The following ELAVL2 variants were observed in gnomAD, a reference collection of about 807,000 sequenced individuals.
ELAVL2 encodes ELAV like RNA binding protein 2.
A neutral mutation model predicts 34.6 loss-of-function variants in ELAVL2; 4 were observed. The ratio of observed to expected loss-of-function variants is 0.12; its 90% CI spans 0.06 to 0.26. The LOEUF (loss-of-function observed/expected upper bound fraction) is 0.26, where lower values mean the gene tolerates loss of function less well. Among genes scored for constraint, ELAVL2 ranks in the 10% least tolerant of loss-of-function variants. The probability of loss-of-function intolerance (pLI) is 1.00; values close to 1 mark genes in which losing one functional copy is unlikely to be tolerated. For missense variants in ELAVL2, 432 were observed against 442.8 expected (o/e 0.98, Z 0.22); for synonymous variants, 193 against 154.8 (o/e 1.25, Z -1.83).
At chr9:23,822,204 A>G (rs907232964) in intron 1 of ELAVL2, among the ~76,000 whole-genome samples, 1 of 152,120 alleles carries the variant, frequency 6.6e-6, no homozygotes, top group Non-Finnish European at 1.5e-5. Flanking sequence ...AATATATATA[A>G]GTATACACAC....
chr9:23,697,330 A>T (rs1364911371), intron 5 of ELAVL2, among the ~76,000 whole-genome samples: 1 of 152,226 alleles, frequency 6.6e-6, no homozygotes, highest in Non-Finnish European at 1.5e-5. Context: ...GTTAGACACA[A>T]GATAATCCAA....
At chr9:23,800,298 G>A (rs1018495516) in intron 1 of ELAVL2, among the ~76,000 whole-genome samples, 2 of 152,150 alleles carry the variant, frequency 1.3e-5, no homozygotes, top group Non-Finnish European at 2.9e-5. Context: ...AAACAGTAGA[G>A]TTCCTATTCC....
chr9:23,735,704 A>C (rs994486538), intron 2 of ELAVL2: 4 of 152,250 alleles, frequency 2.6e-5, no homozygotes, highest in Non-Finnish European at 5.9e-5. Flanking sequence ...CATGCCACAG[A>C]AAAGAAACCC....
chr9:23,730,505 A>T (rs1025433166), intron 3 of ELAVL2, among the ~76,000 whole-genome samples: 5 of 152,196 alleles, frequency 3.3e-5, no homozygotes, highest in Non-Finnish European at 5.9e-5. Flanking sequence ...AAAAATAAAA[A>T]GAATATTTGT....
At chr9:23,777,478 C>T (rs2058399950) in intron 1 of ELAVL2, among the ~76,000 whole-genome samples, 1 of 152,152 alleles carries the variant, frequency 6.6e-6, no homozygotes, top group Non-Finnish European at 1.5e-5. Context: ...CTATACCCTT[C>T]TGCCCCACCC....
intron 1 of ELAVL2, among the ~76,000 whole-genome samples, chr9:23,811,568 A>C (rs917694999): frequency 6.6e-6 from 1 of 152,222 alleles, no homozygotes; most frequent in Non-Finnish European, 1.5e-5. Context: ...TCCTGCAACT[A>C]TATTCCCAAA....
chr9:23,768,865 A>G (rs2056804198), intron 1 of ELAVL2, among the ~76,000 whole-genome samples: 1 of 152,200 alleles, frequency 6.6e-6, no homozygotes, highest in Non-Finnish European at 1.5e-5. Flanking sequence ...GAAGCACATC[A>G]TGATTAAGTC....
chr9:23,836,326 T>A, the ELAVL2 span, among the ~76,000 whole-genome samples: 3 of 152,202 alleles, frequency 2.0e-5, no homozygotes, highest in Non-Finnish European at 4.4e-5. Flanking sequence ...AATAGACATT[T>A]CCTTGAATTA....
chr9:23,840,819 CAG>C, the ELAVL2 span, among the ~76,000 whole-genome samples: 8 of 152,182 alleles, frequency 5.3e-5, no homozygotes, highest in African/African-American at 1.9e-4. Flanking sequence ...TCAGTTTTTT[CAG>C]AGTTATATTT....
At chr9:23,752,704 C>T (rs1188215200) in intron 2 of ELAVL2, among the ~76,000 whole-genome samples, 2 of 152,158 alleles carry the variant, frequency 1.3e-5, no homozygotes, top group Non-Finnish European at 2.9e-5. Context: ...ATCTGCCCAC[C>T]TTGGCCTCCC....
chr9:23,801,436 G>A lies in ELAVL2; in HGVS notation c.-16+24370C>T, dbSNP rs185493911. Reference sequence around the variant, plus strand: ...TCATTCAATAAATATTAAGCTCTACGTACAGGAGCTATTGGAATATAAAGT... The same window carrying A: ...TCATTCAATAAATATTAAGCTCTACATACAGGAGCTATTGGAATATAAAGT... On this transcript the variant is annotated intron_variant, in intron 1 of 6. Transcript: ENST00000397312. Among the ~76,000 whole-genome samples the A allele has an allele frequency of 1.1e-4, 16 of 152,184 alleles. No homozygotes were observed. In the East Asian group the frequency reaches 3.1e-3, roughly 29 times the overall value.
At chr9:23,708,604 C>A (rs917700242) in intron 3 of ELAVL2, among the ~76,000 whole-genome samples, 1 of 152,194 alleles carries the variant, frequency 6.6e-6, no homozygotes, top group Admixed American at 6.5e-5. Context: ...TGGCCACAGA[C>A]AGAAAACAGG....
At chr9:23,754,592 G>A (rs2053072077) in intron 2 of ELAVL2, among the ~76,000 whole-genome samples, 1 of 152,002 alleles carries the variant, frequency 6.6e-6, no homozygotes, top group South Asian at 2.1e-4. Flanking sequence ...GTGAGTACCT[G>A]GGACTACAGG....
At chr9:23,729,419 G>T (rs1212463817) in intron 3 of ELAVL2, among the ~76,000 whole-genome samples, 1 of 152,068 alleles carries the variant, frequency 6.6e-6, no homozygotes, top group Non-Finnish European at 1.5e-5. Context: ...CTGAACACTG[G>T]ATGTCTTTTT....
chr9:23,744,086 G>A (rs996397659), intron 2 of ELAVL2, among the ~76,000 whole-genome samples: 1 of 152,296 alleles, frequency 6.6e-6, no homozygotes, highest in African/African-American at 2.4e-5. Context: ...GAGGTTAGGA[G>A]TTTAAGGCCT....
intron 1 of ELAVL2, among the ~76,000 whole-genome samples, chr9:23,807,803 A>G (rs2062432788): frequency 6.6e-6 from 1 of 152,210 alleles, no homozygotes; most frequent in South Asian, 2.1e-4. Flanking sequence ...AATACATTAG[A>G]AAGTGTTATT....
Position 23,804,003 on chromosome 9 carries a change from A to C in ELAVL2, c.-16+21803T>G, listed in dbSNP as rs553172195. On this transcript the variant is annotated intron_variant, in intron 1 of 6. Transcript: ENST00000397312. ...GGCACTGAATGCTAACAAACAGCTC[A>C]TATGTAGGAAAAGTGCAAATCTATT... Among the ~76,000 whole-genome samples, 8 of 152,290 alleles carry C rather than the reference A, an allele frequency of 5.3e-5. No homozygotes were observed. The East Asian group carries it at 1.5e-3, about 29-fold the overall frequency.
At chr9:23,699,472 C>A (rs1381940389) in intron 5 of ELAVL2, among the ~76,000 whole-genome samples, 1 of 152,108 alleles carries the variant, frequency 6.6e-6, no homozygotes, top group Non-Finnish European at 1.5e-5. Flanking sequence ...TATAACTTCA[C>A]AATGTTAAAA....
chr9:23,848,576 G>GC, the ELAVL2 span, among the ~76,000 whole-genome samples: 1 of 152,034 alleles, frequency 6.6e-6, no homozygotes, highest in Non-Finnish European at 1.5e-5. Flanking sequence ...TGTAGAATAG[G>GC]CAAAAAATAA....
Sources: allele counts gnomAD v4.1 joint callset (sites outside exome capture counted in the v4.1 genomes callset), GRCh38; gene constraint gnomAD v4.1.1; transcripts MANE v1.5; gene names NCBI Gene and HGNC (gene_info 2026-07-23, HGNC 2026-07-21).